The following CDK12 variants were observed in gnomAD, a reference collection of about 807,000 sequenced individuals.
CDK12 encodes cyclin-dependent kinase 12.
A neutral mutation model predicts 133.8 loss-of-function variants in CDK12; 17 were observed. That is an observed-to-expected ratio of 0.13 (90% CI 0.09 to 0.19). The LOEUF (loss-of-function observed/expected upper bound fraction) is 0.19. Ranked by LOEUF, CDK12 falls within the 10% of genes least tolerant of loss-of-function variation. CDK12 has a pLI of 1.00. For synonymous variants in CDK12, 694 were observed against 683.6 expected (o/e 1.02, Z -0.24); for missense variants, 1,508 against 1,818.7 (o/e 0.83, Z 3.11).
intron 2 of CDK12, among the ~76,000 whole-genome samples, chr17:39,473,846 C>T (rs2049988004): frequency 6.6e-6 from 1 of 151,668 alleles, no homozygotes; most frequent in African/African-American, 2.4e-5. Flanking sequence ...GATCGTGCCA[C>T]TGCCCTCTAG....
At chr17:39,541,380 T>G (rs1243681415) in intron 1 of CDK12, among the ~76,000 whole-genome samples, 1 of 102,014 alleles carries the variant, frequency 9.8e-6, no homozygotes, top group South Asian at 4.0e-4. Context: ...TTTTTTTTTT[T>G]TTTTTGAGAC....
chr17:39,464,813 G>A (rs983926782), intron 1 of CDK12, among the ~76,000 whole-genome samples: 2 of 151,520 alleles, frequency 1.3e-5, no homozygotes, highest in Admixed American at 6.6e-5. Context: ...TTAGCTGGTC[G>A]CGGTGGTGCA....
At chr17:39,475,646 G>C (rs2145342089) in intron 2 of CDK12, among the ~76,000 whole-genome samples, 1 of 150,774 alleles carries the variant, frequency 6.6e-6, no homozygotes, top group East Asian at 2.0e-4. Context: ...CCCAGGTTCA[G>C]GCGATTCTTC....
chr17:39,532,312 G>GT lies in CDK12; in HGVS notation c.*1002dup, dbSNP rs2054914297. On this transcript the variant is annotated 3_prime_UTR_variant, in exon 14 of 14. Transcript: ENST00000447079. ...TAACTCTTCAATTCTAAAATGTTTT[G>GT]TTTTTTAAACCATGTTCTGATGGGG... The GT allele has an allele frequency of 4.3e-6, 1 of 233,120 alleles. No individual in the cohort carries two copies. The highest frequency in any genetic ancestry group is 2.2e-5 in the African/African-American group (1 of 45,304). The allele number at this position is 233,120 out of a possible 1,614,324, so 14.4% of individuals were successfully genotyped here. A position where few individuals can be genotyped will look rare whatever the true frequency, so the allele number is the denominator to read the frequency against.
rs187334213 is a variant in CDK12 at position 39,533,897 on chromosome 17, G to A, written c.*2581G>A. 6.5e-5 allele frequency: 15 copies of A among 232,116 alleles called. No individual in the cohort carries two copies. The Admixed American group carries it at 8.4e-4, about 13-fold the overall frequency. The allele number at this position is 232,116 out of a possible 1,614,324, so 14.4% of individuals were successfully genotyped here. On this transcript the variant is annotated 3_prime_UTR_variant, in exon 14 of 14. Transcript: ENST00000447079. ...TATCTATAAACATGATGGAAGTAAA[G>A]GTTTGGCAGAATTTCACCTTGACTA...
Position 39,463,014 on chromosome 17 carries a change from A to G in CDK12, c.943A>G (p.Arg315Gly), listed in dbSNP as rs747011911. 1.2e-6 allele frequency: 2 copies of G among 1,614,172 alleles called. No homozygotes were observed. The highest frequency in any genetic ancestry group is 1.7e-6 in the Non-Finnish European group (2 of 1,180,028). ...CAGGAGACGGTCGTCCAGCTACGAAAGAAGTGGCTCTTACAGCGGGCGATC... is the reference window on the plus strand; with the variant it reads ...CAGGAGACGGTCGTCCAGCTACGAAGGAAGTGGCTCTTACAGCGGGCGATC... Reference protein sequence around the residue: ...YSRRRSSSYERSGSYSGRSPS... With the variant: ...YSRRRSSSYEGSGSYSGRSPS... Residue 315 changes from arginine (R) to glycine (G), a missense_variant, in exon 1 of 14, where the codon AGA (arginine) becomes GGA (glycine). Physicochemically the swap from Arg to Gly is moderately radical, Grantham distance 125. This residue lies in a region of CDK12 where 460 missense variants were observed against 490.8 expected (regional missense o/e 0.94). Transcript: ENST00000447079.
At chr17:39,501,763 A>G (rs969276241) in intron 6 of CDK12, among the ~76,000 whole-genome samples, 6 of 151,966 alleles carry the variant, frequency 3.9e-5, no homozygotes, top group Non-Finnish European at 8.8e-5. Context: ...AGAAGTTTTT[A>G]TCATTTGCTT....
rs115049284 is a variant in CDK12, at chr17:39,483,648, A to G, written c.1932-6909A>G. Among the ~76,000 whole-genome samples the G allele has an allele frequency of 2.7e-3, 414 of 152,110 alleles. 1 individual carries two copies. The highest frequency in any genetic ancestry group is 9.3e-3 in the African/African-American group (386 of 41,548). ...GTAGTTTACGCTGTTAAAATGGGCA[A>G]ATTATCTCATTGAAAAATTTAGTGT... On this transcript the variant is annotated intron_variant, in intron 2 of 13. Transcript: ENST00000447079.
intron 2 of CDK12, among the ~76,000 whole-genome samples, chr17:39,480,936 T>C (rs2050592533): frequency 6.6e-6 from 1 of 152,130 alleles, no homozygotes; most frequent in Non-Finnish European, 1.5e-5. Context: ...CTTAAGTAGA[T>C]CATCTGTATA....
At chr17:39,509,310 A>G (rs2053334584) in intron 6 of CDK12, among the ~76,000 whole-genome samples, 1 of 152,152 alleles carries the variant, frequency 6.6e-6, no homozygotes, top group Non-Finnish European at 1.5e-5. Context: ...AGTCTTTCTC[A>G]ATCTAGAGCA....
intron 11 of CDK12, among the ~76,000 whole-genome samples, chr17:39,520,637 C>T (rs1380790271): frequency 6.6e-6 from 1 of 152,030 alleles, no homozygotes; most frequent in Non-Finnish European, 1.5e-5. Context: ...GTGACCCACC[C>T]TGGCCTCCGA....
intron 13 of CDK12, among the ~76,000 whole-genome samples, chr17:39,528,883 A>G (rs1182531552): frequency 1.3e-5 from 2 of 152,234 alleles, no homozygotes; most frequent in African/African-American, 4.8e-5. Flanking sequence ...TACTTTTTAA[A>G]TAACTGGTAC....
intron 1 of CDK12, among the ~76,000 whole-genome samples, chr17:39,540,111 A>AC (rs1341615257): frequency 1.3e-5 from 2 of 152,218 alleles, no homozygotes; most frequent in African/African-American, 4.8e-5. Flanking sequence ...GACATGAAGC[A>AC]CTGAGAGTTT....
intron 2 of CDK12, among the ~76,000 whole-genome samples, chr17:39,486,536 G>A (rs908035759): frequency 3.3e-5 from 5 of 151,960 alleles, no homozygotes; most frequent in African/African-American, 9.7e-5. Flanking sequence ...AAAGTAGTGG[G>A]ATTACAGGCA....
chr17:39,496,912 CTTTTTTTTTTTTTTTTT>C (rs71147349), intron 5 of CDK12, among the ~76,000 whole-genome samples: 3 of 87,834 alleles, frequency 3.4e-5, no homozygotes, highest in Non-Finnish European at 6.1e-5. Flanking sequence ...TTCAGTATAT[CTTTTTTTTTTTTTTTTT>C]TTTTTTTTTT....
At position 39,533,242 on chromosome 17, in the gene CDK12, AAG is replaced by A. The variant is rs2054970206; in HGVS notation, c.*1931_*1932del. 4.3e-6 allele frequency: 1 copy of A among 232,946 alleles called. No homozygotes were observed. The highest frequency in any genetic ancestry group is 8.5e-6 in the Non-Finnish European group (1 of 117,884). The allele number at this position is 232,946 out of a possible 1,614,324, so 14.4% of individuals were successfully genotyped here. On this transcript the variant is annotated 3_prime_UTR_variant, in exon 14 of 14. Transcript: ENST00000447079. ...CTCCAGGGCCAAACACTGATTTAGA[AAG>A]AGAGCCTTCTAGCTATTTTGGCATT...
At chr17:39,494,016 T>C (rs550365135) in intron 4 of CDK12, among the ~76,000 whole-genome samples, 1 of 152,108 alleles carries the variant, frequency 6.6e-6, no homozygotes, top group South Asian at 2.1e-4. Flanking sequence ...AATTCAAGTC[T>C]TAAGAAAAAA....
chr17:39,556,721 C>T (rs1210307680), intron 3 of CDK12: 3 of 152,228 alleles, frequency 2.0e-5, no homozygotes, highest in African/African-American at 7.2e-5. Flanking sequence ...CATACCATGC[C>T]TTTAACCCTC....
Position 39,532,019 on chromosome 17 carries a change from G to A in CDK12, c.*703G>A, listed in dbSNP as rs1449712794. ...CTTCTCCCTGCACATAAAGCAGGTT[G>A]TAGAACGTGGCATTCTTGGGCAAGT... On this transcript the variant is annotated 3_prime_UTR_variant, in exon 14 of 14. Transcript: ENST00000447079. 1 of 233,448 alleles carries A rather than the reference G, an allele frequency of 4.3e-6. No homozygotes were observed. Among genetic ancestry groups the A allele is most frequent in the East Asian group, 6.0e-5 (1 of 16,724 alleles). The allele number at this position is 233,448 out of a possible 1,614,324, so 14.5% of individuals were successfully genotyped here.
Sources: gnomAD v4.1 joint callset for allele counts (sites outside exome capture counted in the v4.1 genomes callset) on GRCh38, gnomAD v4.1.1 for gene constraint, gnomAD v4.1.1 regional missense constraint, MANE v1.5 for transcripts, NCBI Gene and HGNC (gene_info 2026-07-23, HGNC 2026-07-21) for gene names.